The following MED1 variants were observed in gnomAD, a reference collection of about 807,000 sequenced individuals.
MED1 encodes the protein mediator complex subunit 1.
Under a neutral mutation model 121.3 loss-of-function variants are expected in MED1, and 17 were observed. That is an observed-to-expected ratio of 0.14 (90% confidence interval 0.10 to 0.21). The LOEUF is 0.21. MED1 is among the 10% of genes least tolerant of loss of function. The probability of loss-of-function intolerance (pLI) is 1.00; values close to 1 mark genes in which losing one functional copy is unlikely to be tolerated. For missense variants in MED1, 1,558 were observed against 1,919.4 expected, an observed-to-expected ratio of 0.81 and a Z score of 3.52; for synonymous variants, 661 against 694.4, an observed-to-expected ratio of 0.95 and a Z score of 0.76.
chr17:39,423,498 G>C, intron 12 of MED1, 53 bp from the exon 13 acceptor site: 1 of 1,488,888 alleles, frequency 6.7e-7, no homozygotes, highest in Non-Finnish European at 9.4e-7. Context: ...AACACTGACA[G>C]CTCAGTTTCC....
At position 39,427,416 on chromosome 17, in the gene MED1, G is replaced by A. The variant is rs901534853; in HGVS notation, c.739+285C>T. 6.7e-5 allele frequency: 12 copies of A among 178,222 alleles called. No homozygotes were observed. In the South Asian group the frequency reaches 7.4e-4, roughly 11 times the overall value. The allele number at this position is 178,222 out of a possible 1,614,324, so 11.0% of individuals were successfully genotyped here. A position where few individuals can be genotyped will look rare whatever the true frequency, so the allele number is the denominator to read the frequency against. On this transcript the variant is annotated intron_variant, in intron 10 of 16. Coordinates refer to ENST00000300651, the MANE Select transcript of MED1 (RefSeq NM_004774.4). The stretch of plus-strand genomic sequence containing the variant: ...AGGCTGGTCTCCAAGTCCTGACCTC[G>A]TGATCTGCCCACCTCAGCCTCCCAA...
At chr17:39,418,899 T>C (rs1435726354) in intron 14 of MED1, among the ~76,000 whole-genome samples, 1 of 151,898 alleles carries the variant, frequency 6.6e-6, no homozygotes, top group African/African-American at 2.4e-5. Context: ...GTGATTCTCC[T>C]GCCTAAGACT....
chr17:39,415,422 C>CCCACACTTTGGGAGGCCAAGG, intron 14 of MED1, 83 bp from the exon 15 acceptor site: 1 of 1,269,738 alleles, frequency 7.9e-7, no homozygotes, highest in South Asian at 1.3e-5. Flanking sequence ...GCCTGTAATC[C>CCCACACTTTGGGAGGCCAAGG]CAGCAGTTTG....
intron 16 of MED1, among the ~76,000 whole-genome samples, chr17:39,413,930 A>C (rs946358722): frequency 3.3e-5 from 5 of 149,578 alleles, no homozygotes; most frequent in South Asian, 2.1e-4. Flanking sequence ...AAAAAAAAAA[A>C]AAAAAAACAA....
chr17:39,448,010 T>A, intron 1 of MED1, 106 bp from the exon 2 acceptor site: 1 of 715,780 alleles, frequency 1.4e-6, no homozygotes, highest in Non-Finnish European at 2.3e-6. Context: ...AGAATTCAGT[T>A]AAAATATTTT....
chr17:39,405,559 C>T lies in MED1; in HGVS notation c.*1916G>A. 1 of 1,334,972 alleles carries T rather than the reference C, an allele frequency of 7.5e-7. No homozygotes were observed. The highest frequency in any genetic ancestry group is 9.6e-7 in the Non-Finnish European group (1 of 1,041,330). 82.7% of individuals were successfully genotyped at this position (1,334,972 alleles called of 1,614,324 possible). ...TGGCTGAATGTCTGAGAGGCTGCTACTGTATCAACATCACAAGATAAAGCA... is the reference window on the plus strand; with the variant it reads ...TGGCTGAATGTCTGAGAGGCTGCTATTGTATCAACATCACAAGATAAAGCA... On this transcript the variant is annotated 3_prime_UTR_variant, in exon 17 of 17. Transcript: ENST00000300651.
chr17:39,446,775 AG>A (rs1321381118), intron 2 of MED1, among the ~76,000 whole-genome samples: 34 of 151,508 alleles, frequency 2.2e-4, no homozygotes, highest in Middle Eastern at 6.8e-3. Context: ...TCCATCTCAA[AG>A]AAAAAAAAAA....
chr17:39,405,472 T>TC lies in MED1; in HGVS notation c.*2002dup. 7.1e-7 allele frequency: 1 copy of TC among 1,399,894 alleles called. No individual in the cohort carries two copies. The highest frequency in any genetic ancestry group is 1.7e-5 in the South Asian group (1 of 60,156). 86.7% of individuals were successfully genotyped at this position (1,399,894 alleles called of 1,614,324 possible). A position where few individuals can be genotyped will look rare whatever the true frequency, so the allele number is the denominator to read the frequency against. On this transcript the variant is annotated 3_prime_UTR_variant, in exon 17 of 17. Coordinates refer to ENST00000300651, the MANE Select transcript of MED1 (RefSeq NM_004774.4). Reference sequence around the variant, plus strand: ...AAAACCACATAAATTTTTTTTTTTTTCCTGCAGAAACCAACGGGATAGGAT... The same window carrying TC: ...AAAACCACATAAATTTTTTTTTTTTTCCCTGCAGAAACCAACGGGATAGGAT...
rs149373125 is a variant in MED1 at position 39,408,064 on chromosome 17, C to A, written c.4157G>T (p.Ser1386Ile). 6.2e-7 allele frequency: 1 copy of A among 1,614,204 alleles called. No individual in the cohort carries two copies. Among genetic ancestry groups the A allele is most frequent in the African/African-American group, 1.3e-5 (1 of 75,050 alleles). Reference sequence around the variant, plus strand: ...GATGATAATTTTTGCCACACCTGTGCTCCCCACATTTTTTGACTCTGAGGT... The same window carrying A: ...GATGATAATTTTTGCCACACCTGTGATCCCCACATTTTTTGACTCTGAGGT... ...KKTSESKNVG[S>I]TGVAKIIISK... The change falls in exon 17 of 17, where the codon AGC becomes ATC. Residue 1386 changes from serine (S) to isoleucine (I), a missense_variant. Ser to Ile is a moderately radical substitution (Grantham distance 142, BLOSUM62 -2). This residue lies in a region of MED1 where 264 missense variants were observed against 326.1 expected (regional missense o/e 0.81). Transcript: ENST00000300651. The surrounding 1 kb of genome is among the most constrained non-coding windows in gnomAD (Gnocchi z 4.7).
chr17:39,439,629 T>C (rs2144763714), intron 5 of MED1, among the ~76,000 whole-genome samples: 1 of 152,254 alleles, frequency 6.6e-6, no homozygotes, highest in East Asian at 1.9e-4. Flanking sequence ...GTGGCTCATG[T>C]TTGTTGATAT....
chr17:39,420,252 T>A (rs1380112158), intron 13 of MED1, among the ~76,000 whole-genome samples: 2 of 148,358 alleles, frequency 1.3e-5, no homozygotes, highest in Admixed American at 7.0e-5. Context: ...CAGGCTGGAG[T>A]GCAGTGGTGC....
rs753882881 is a variant in MED1 at position 39,408,242 on chromosome 17, C to T, written c.3979G>A (p.Gly1327Ser). 60 of 1,613,974 alleles carry T rather than the reference C, an allele frequency of 3.7e-5. No homozygotes were observed. The highest frequency in any genetic ancestry group is 4.5e-5 in the East Asian group (2 of 44,894). ...SGPGGEDPLD[G>S]QMGVSTNSSS... ...GAATTTGTGCTCACCCCCATCTGGCCGTCCAGTGGGTCTTCACCCCCAGGG... is the reference window on the plus strand; with the variant it reads ...GAATTTGTGCTCACCCCCATCTGGCTGTCCAGTGGGTCTTCACCCCCAGGG... The change falls in exon 17 of 17, where the codon GGC (glycine) becomes AGC (serine). Residue 1327 changes from glycine to serine, a missense_variant. Gly to Ser is a moderately conservative substitution (Grantham distance 56). Around this residue, in one of 5 missense-constraint regions of MED1, gnomAD observed 264 missense variants for 326.1 expected, o/e 0.81. Transcript: ENST00000300651. The surrounding 1 kb of genome is among the most constrained non-coding windows in gnomAD (Gnocchi z 4.7).
intron 1 of MED1, among the ~76,000 whole-genome samples, chr17:39,449,811 T>C (rs1379461313): frequency 2.9e-5 from 1 of 34,170 alleles, no homozygotes; most frequent in Non-Finnish European, 1.1e-4. Flanking sequence ...CACCCGGCCT[T>C]TTTTTTTTTT....
At chr17:39,421,482 G>A (rs1003369500) in intron 13 of MED1, among the ~76,000 whole-genome samples, 29 of 142,714 alleles carry the variant, frequency 2.0e-4, no homozygotes, top group Non-Finnish European at 2.6e-4. Context: ...CCTGGGAGGC[G>A]GAGGTTGCAG....
chr17:39,431,832 G>T (rs1310929480), intron 8 of MED1, 110 bp downstream of exon 8: 2 of 671,126 alleles, frequency 3.0e-6, no homozygotes, highest in Non-Finnish European at 5.0e-6. Context: ...TTTTGGAAGA[G>T]AAAGGACATA....
intron 14 of MED1, among the ~76,000 whole-genome samples, chr17:39,418,066 A>T (rs915976049): frequency 2.2e-5 from 3 of 133,482 alleles, no homozygotes; most frequent in African/African-American, 8.0e-5. Flanking sequence ...AGCCTGGGGA[A>T]CAGAGTGAGA....
At chr17:39,415,445 A>T in intron 14 of MED1, 106 bp from the exon 15 acceptor site, 1 of 881,170 alleles carries the variant, frequency 1.1e-6, no homozygotes, top group Admixed American at 2.5e-5. Context: ...AGGCCAAGGC[A>T]GGTGGATTAC....
At chr17:39,433,527 CTATA>C (rs149231162) in intron 7 of MED1, among the ~76,000 whole-genome samples, 5 of 144,302 alleles carry the variant, frequency 3.5e-5, no homozygotes, top group African/African-American at 1.0e-4. Context: ...TTTTTTGTTA[CTATA>C]TATATATATA....
At position 39,408,778 on chromosome 17, in the gene MED1, T is replaced by C; in HGVS notation, c.3443A>G (p.Gln1148Arg). 1 of 1,614,110 alleles carries C rather than the reference T, an allele frequency of 6.2e-7. No individual in the cohort carries two copies. The highest frequency in any genetic ancestry group is 8.5e-7 in the Non-Finnish European group (1 of 1,179,980). The change falls in exon 17 of 17, where the codon CAG becomes CGG. Residue 1148 changes from glutamine (Q) to arginine (R), a missense_variant. Physicochemically the swap from Gln to Arg is conservative, Grantham distance 43. This residue lies in a region of MED1 where 793 missense variants were observed against 898.2 expected (regional missense o/e 0.88). Coordinates refer to ENST00000300651, the MANE Select transcript of MED1 (RefSeq NM_004774.4). This position sits in a 1 kb window ranked among gnomAD's most constrained non-coding sequence, Gnocchi z 4.7. Reference sequence around the variant, plus strand: ...AGAGGAGCCTGGCTTCCCCCCAGACTGGGATGAATTTTTGGACTGGCTAGA... The same window carrying C: ...AGAGGAGCCTGGCTTCCCCCCAGACCGGGATGAATTTTTGGACTGGCTAGA... ...SGSSQSKNSS[Q>R]SGGKPGSSPI...
Sources: allele counts gnomAD v4.1 joint callset (sites outside exome capture counted in the v4.1 genomes callset), GRCh38; gene constraint gnomAD v4.1.1; regional missense constraint gnomAD v4.1.1; non-coding constraint Gnocchi (gnomAD v3.1); transcripts MANE v1.5; gene names NCBI Gene and HGNC (gene_info 2026-07-23, HGNC 2026-07-21).